The following TRAF6 variants were observed in gnomAD, a reference collection of about 807,000 sequenced individuals.
The protein encoded by TRAF6 is TNF receptor-associated factor 6.
A neutral mutation model predicts 48.4 loss-of-function variants in TRAF6; 10 were observed. That is an observed-to-expected ratio of 0.21 (90% CI 0.13 to 0.35). The LOEUF (loss-of-function observed/expected upper bound fraction) is 0.35. TRAF6 is among the 10% of genes least tolerant of loss of function. TRAF6 has a pLI of 1.00. For missense variants in TRAF6, 397 were observed against 661.0 expected (o/e 0.60, Z 4.38); for synonymous variants, 186 against 219.6 (o/e 0.85, Z 1.35).
chr11:36,506,148 A>C (rs200676290), intron 1 of TRAF6, among the ~76,000 whole-genome samples: 2 of 145,014 alleles, frequency 1.4e-5, no homozygotes, highest in Admixed American at 7.0e-5. Flanking sequence ...AAAAAAAAAA[A>C]CAAAAAAGTA....
At chr11:36,494,891 T>C in intron 5 of TRAF6, 85 bp downstream of exon 5, 1 of 976,344 alleles carries the variant, frequency 1.0e-6, no homozygotes, top group Non-Finnish European at 1.6e-6. Context: ...TTCTTTGCCT[T>C]ATTGATTTAA....
In TRAF6 at chr11:36,501,542, A is replaced by G. The variant is rs1426441084; in HGVS notation, c.-22-5T>C. The G allele has an allele frequency of 6.5e-7, 1 of 1,548,516 alleles. No individual in the cohort carries two copies. Among genetic ancestry groups the G allele is most frequent in the Admixed American group, 1.9e-5 (1 of 51,430 alleles). On this transcript the variant is annotated splice_polypyrimidine_tract_variant and splice_region_variant and intron_variant, in intron 1 of 6. Transcript: ENST00000526995. ...GTAACTTGATTATCACTTGCTCTGT[A>G]GAAATAGCAAGAAAAAAATGCCTTT...
chr11:36,484,276 G>A lies in TRAF6; in HGVS notation c.*5562C>T, dbSNP rs916594760. On this transcript the variant is annotated 3_prime_UTR_variant, in exon 7 of 7. Transcript: ENST00000526995. ...CAACCTGCTCTTAAAACTGAACACT[G>A]ATTTTCATTCTTTTCATGATTAGTG... 6.6e-6 allele frequency among the ~76,000 whole-genome samples: 1 copy of A among 152,126 alleles called. No individual in the cohort carries two copies. Among genetic ancestry groups the A allele is most frequent in the Admixed American group, 6.5e-5 (1 of 15,272 alleles).
intron 2 of TRAF6, among the ~76,000 whole-genome samples, chr11:36,498,982 C>CGA (rs1297329663): frequency 1.3e-5 from 2 of 152,184 alleles, no homozygotes; most frequent in African/African-American, 4.8e-5. Context: ...AGTCTGGCCT[C>CGA]TGTGTTGTCA....
intron 1 of TRAF6, among the ~76,000 whole-genome samples, chr11:36,503,889 C>T (rs1040879121): frequency 2.0e-5 from 3 of 152,102 alleles, no homozygotes; most frequent in African/African-American, 7.2e-5. Context: ...TCCAAACCAC[C>T]GCAATAATCC....
rs577581909 is a variant in TRAF6 at position 36,498,805 on chromosome 11, G to A, written c.297-165C>T. 2.0e-5 allele frequency among the ~76,000 whole-genome samples: 3 copies of A among 152,280 alleles called. No homozygotes were observed. In the East Asian group the frequency reaches 5.8e-4, roughly 29 times the overall value. On this transcript the variant is annotated intron_variant, in intron 2 of 6. Coordinates refer to ENST00000526995, the MANE Select transcript of TRAF6 (RefSeq NM_004620.4). Reference sequence around the variant, plus strand: ...AAAACAAACTGTCCTTTTATGGAGAGCTTACAAACTGTTCTTTTATGAAAT... The same window carrying A: ...AAAACAAACTGTCCTTTTATGGAGAACTTACAAACTGTTCTTTTATGAAAT...
rs975519104 is a variant in TRAF6, at chr11:36,484,171, G to A, written c.*5667C>T. On this transcript the variant is annotated 3_prime_UTR_variant, in exon 7 of 7. Transcript: ENST00000526995. ...GAGCAGGGCTTGTTTTATGCGCTCC[G>A]TGCATGCTGATGGTGCAGGGAGTGG... Among the ~76,000 whole-genome samples, 10 of 152,326 alleles carry A rather than the reference G, an allele frequency of 6.6e-5. No individual in the cohort carries two copies. Among genetic ancestry groups the A allele is most frequent in the South Asian group, 2.1e-4 (1 of 4,828 alleles).
chr11:36,497,051 A>AT lies in TRAF6; in HGVS notation c.606+56dup, dbSNP rs1402703339. On this transcript the variant is annotated intron_variant, in intron 4 of 6. Coordinates refer to ENST00000526995, the MANE Select transcript of TRAF6 (RefSeq NM_004620.4). ...CTACTGCTAACCCCCTCAAGTACAC[A>AT]TTTAAGAACAATATTTTAAGAAGTA... is the stretch of plus-strand genomic sequence containing the variant. 26 of 1,581,152 alleles carry AT rather than the reference A, an allele frequency of 1.6e-5. No homozygotes were observed. The Admixed American group carries it at 4.1e-4, about 25-fold the overall frequency.
Position 36,502,094 on chromosome 11 carries a change from C to T in TRAF6, c.-22-557G>A, listed in dbSNP as rs548937987. Among the ~76,000 whole-genome samples, 4 of 152,262 alleles carry T rather than the reference C, an allele frequency of 2.6e-5. No homozygotes were observed. The South Asian group carries it at 8.3e-4, about 32-fold the overall frequency. On this transcript the variant is annotated intron_variant, in intron 1 of 6. Transcript: ENST00000526995. ...CCAGGAAAAGCAGTACGCAAGGAAT[C>T]AGGTGATCATGTGCCACTGTTAGAT...
At chr11:36,508,398 C>G (rs1435652459) in intron 1 of TRAF6, among the ~76,000 whole-genome samples, 1 of 151,794 alleles carries the variant, frequency 6.6e-6, no homozygotes, top group East Asian at 1.9e-4. Context: ...TAAATCAAGA[C>G]TTAAATTCAC....
chr11:36,493,599 C>A (rs1415995982), intron 5 of TRAF6, among the ~76,000 whole-genome samples: 2 of 152,192 alleles, frequency 1.3e-5, no homozygotes, highest in African/African-American at 2.4e-5. Flanking sequence ...GATCCCAGAT[C>A]TATTTAGAAT....
intron 1 of TRAF6, among the ~76,000 whole-genome samples, chr11:36,509,000 G>A (rs1354717378): frequency 6.6e-6 from 1 of 152,096 alleles, no homozygotes; most frequent in Non-Finnish European, 1.5e-5. Flanking sequence ...ACCACATGCC[G>A]GACTCCTTCC....
Position 36,489,812 on chromosome 11 carries a change from G to C in TRAF6, c.*26C>G. 1.9e-6 allele frequency: 3 copies of C among 1,590,170 alleles called. No individual in the cohort carries two copies. The highest frequency in any genetic ancestry group is 2.6e-6 in the Non-Finnish European group (3 of 1,166,820). ...GGAAAGGCACTGTTTTCTCCAGGTA[G>C]TTGTTTTTGAGCAAGTGAGGGCAAG... On this transcript the variant is annotated 3_prime_UTR_variant, in exon 7 of 7. Coordinates refer to ENST00000526995, the MANE Select transcript of TRAF6 (RefSeq NM_004620.4).
chr11:36,502,838 A>T (rs1024297189), intron 1 of TRAF6, among the ~76,000 whole-genome samples: 2 of 152,180 alleles, frequency 1.3e-5, no homozygotes, highest in African/African-American at 4.8e-5. Flanking sequence ...TCTCATCTGT[A>T]AAATGGTTCT....
Position 36,501,268 on chromosome 11 carries a change from G to A in TRAF6, c.248C>T (p.Thr83Met), listed in dbSNP as rs199552714. The change falls in exon 2 of 7, where the codon ACG becomes ATG. Residue 83 changes from threonine (T) to methionine (M), a missense_variant. Around this residue, in one of 4 missense-constraint regions of TRAF6, gnomAD observed 5 missense variants for 25.7 expected, o/e 0.19. Coordinates refer to ENST00000526995, the MANE Select transcript of TRAF6 (RefSeq NM_004620.4). Reference sequence around the variant, plus strand: ...TTTGCAGAACCTATGGCCGCATGGCGTTTGCACTGCTTCTCGTAATGCCAT... The same window carrying A: ...TTTGCAGAACCTATGGCCGCATGGCATTTGCACTGCTTCTCGTAATGCCAT... ...CLMALREAVQ[T>M]PCGHRFCKAC... 6.2e-7 allele frequency: 1 copy of A among 1,613,046 alleles called. No individual in the cohort carries two copies. The highest frequency in any genetic ancestry group is 8.5e-7 in the Non-Finnish European group (1 of 1,179,912).
chr11:36,499,960 T>C (rs1859693628), intron 2 of TRAF6, among the ~76,000 whole-genome samples: 1 of 152,236 alleles, frequency 6.6e-6, no homozygotes, highest in Non-Finnish European at 1.5e-5. Context: ...CATGTACTTT[T>C]GAATTATAGT....
chr11:36,492,032 C>T (rs1274811089), intron 6 of TRAF6, among the ~76,000 whole-genome samples: 1 of 152,122 alleles, frequency 6.6e-6, no homozygotes, highest in Non-Finnish European at 1.5e-5. Flanking sequence ...TTCTAGACGC[C>T]TCCCTCTCCT....
At chr11:36,504,235 T>C (rs1173856217) in intron 1 of TRAF6, among the ~76,000 whole-genome samples, 2 of 152,226 alleles carry the variant, frequency 1.3e-5, no homozygotes, top group East Asian at 3.8e-4. Context: ...CTGTAGCATG[T>C]GATGCTGTTT....
intron 1 of TRAF6, among the ~76,000 whole-genome samples, chr11:36,507,720 C>T (rs1007000779): frequency 8.6e-6 from 1 of 116,662 alleles, no homozygotes; most frequent in African/African-American, 3.3e-5. Flanking sequence ...CATACACGCG[C>T]GTGTATATAT....
Sources: allele counts gnomAD v4.1 joint callset (sites outside exome capture counted in the v4.1 genomes callset), GRCh38; gene constraint gnomAD v4.1.1; regional missense constraint gnomAD v4.1.1; transcripts MANE v1.5; gene names NCBI Gene and HGNC (gene_info 2026-07-23, HGNC 2026-07-21).